Variants in TGFBR3 observed in about 807,000 individuals in gnomAD.
TGFBR3 encodes the protein transforming growth factor beta receptor 3.
Under a neutral mutation model 87.9 loss-of-function variants are expected in TGFBR3, and 46 were observed. The ratio of observed to expected loss-of-function variants is 0.52; its 90% CI spans 0.41 to 0.67. The LOEUF (loss-of-function observed/expected upper bound fraction) is 0.67. Ranked by LOEUF, TGFBR3 falls within the 30% of genes least tolerant of loss-of-function variation. The pLI is 0.00. For synonymous variants in TGFBR3, 381 were observed against 391.6 expected (o/e 0.97, Z 0.32); for missense variants, 866 against 1,041.9 (o/e 0.83, Z 2.32).
chr1:91,755,611 G>T (rs1673713087), intron 4 of TGFBR3, among the ~76,000 whole-genome samples: 1 of 152,062 alleles, frequency 6.6e-6, no homozygotes, highest in African/African-American at 2.4e-5. Context: ...ATCCAAATGG[G>T]GCTGACGTTC....
At chr1:91,881,624 C>T (rs1679075465) in intron 1 of TGFBR3, among the ~76,000 whole-genome samples, 1 of 152,176 alleles carries the variant, frequency 6.6e-6, no homozygotes, top group Non-Finnish European at 1.5e-5. Flanking sequence ...ATAAATGCCA[C>T]TCTGTAGTAT....
intron 6 of TGFBR3, among the ~76,000 whole-genome samples, chr1:91,729,322 C>G (rs771352723): frequency 5.5e-5 from 8 of 146,654 alleles, no homozygotes; most frequent in Admixed American, 4.7e-4. Context: ...ACAGATTTAA[C>G]GCAAACAGCT....
chr1:91,707,927 C>T (rs572432875), intron 14 of TGFBR3, among the ~76,000 whole-genome samples: 4 of 152,338 alleles, frequency 2.6e-5, no homozygotes, highest in Admixed American at 2.0e-4. Flanking sequence ...GCCTCATATC[C>T]ACTCCTAACA....
At chr1:91,800,334 G>A (rs1414996596) in intron 2 of TGFBR3, among the ~76,000 whole-genome samples, 2 of 147,072 alleles carry the variant, frequency 1.4e-5, no homozygotes, top group African/African-American at 2.5e-5. Flanking sequence ...GTGTATATGT[G>A]TGTGTGTGTG....
intron 14 of TGFBR3, among the ~76,000 whole-genome samples, chr1:91,702,417 C>T (rs1157556046): frequency 1.9e-4 from 29 of 152,022 alleles, no homozygotes; most frequent in African/African-American, 6.3e-4. Flanking sequence ...GAGGCCGAGA[C>T]GGGCGGATCA....
chr1:91,851,617 A>C (rs1434401648), intron 2 of TGFBR3, among the ~76,000 whole-genome samples: 1 of 152,212 alleles, frequency 6.6e-6, no homozygotes, highest in African/African-American at 2.4e-5. Flanking sequence ...GAGAAAGTCT[A>C]ATTTCCTATA....
chr1:91,694,361 C>T (rs183504718), intron 16 of TGFBR3, among the ~76,000 whole-genome samples: 199 of 152,356 alleles, frequency 1.3e-3, no homozygotes, highest in African/African-American at 4.7e-3. Flanking sequence ...TCTCTCTATT[C>T]AAGTCTTCTA....
chr1:91,861,676 T>C (rs770374758), intron 1 of TGFBR3, 32 bp from the exon 2 acceptor site: 1 of 697,234 alleles, frequency 1.4e-6, no homozygotes, highest in South Asian at 1.5e-5. Flanking sequence ...GAAAACTTAA[T>C]GAAGAAACTT....
At position 91,837,315 on chromosome 1, in the gene TGFBR3, G is replaced by A. The variant is rs940627980; in HGVS notation, c.61+24156C>T. Reference sequence around the variant, plus strand: ...GGCTGGAGTGCAGTGGCATGATCTCGGCTCACTGCAGCCTCCACCTCGTGG... The same window carrying A: ...GGCTGGAGTGCAGTGGCATGATCTCAGCTCACTGCAGCCTCCACCTCGTGG... On this transcript the variant is annotated intron_variant, in intron 2 of 16. Transcript: ENST00000212355. Among the ~76,000 whole-genome samples, 23 of 151,908 alleles carry A rather than the reference G, an allele frequency of 1.5e-4. 1 individual carries two copies. The highest frequency in any genetic ancestry group is 1.4e-3 in the Admixed American group (22 of 15,230).
intron 3 of TGFBR3, among the ~76,000 whole-genome samples, chr1:91,764,808 C>T (rs78740513): frequency 0.018 from 2,725 of 152,208 alleles, 84 homozygotes; most frequent in African/African-American, 0.063. Context: ...CACAGTGCTC[C>T]GGATGGACTT....
rs182085570 is a variant in TGFBR3, at chr1:91,832,727, G to A, written c.61+28744C>T. Among the ~76,000 whole-genome samples the A allele has an allele frequency of 2.6e-4, 39 of 152,326 alleles. No homozygotes were observed. The East Asian group carries it at 6.7e-3, about 26-fold the overall frequency. ...AGAGAAAACTCTGAATCGGGGTCAC[G>A]CATGGTGGCTCACACCTGTAATCCC... is the stretch of plus-strand genomic sequence containing the variant. On this transcript the variant is annotated intron_variant, in intron 2 of 16. Transcript: ENST00000212355.
chr1:91,681,487 A>G lies in TGFBR3; in HGVS notation c.*2252T>C, dbSNP rs750584816. On this transcript the variant is annotated 3_prime_UTR_variant, in exon 17 of 17. Transcript: ENST00000212355. The stretch of plus-strand genomic sequence containing the variant: ...TTTATAAAATCATTGGCAATGTAGC[A>G]TCTCTCTTAAAAATATATATTTAAA... 2.9e-6 allele frequency: 1 copy of G among 350,510 alleles called. No homozygotes were observed. The highest frequency in any genetic ancestry group is 2.2e-5 in the African/African-American group (1 of 45,634). 21.7% of individuals were successfully genotyped at this position (350,510 alleles called of 1,614,324 possible).
chr1:91,876,158 G>C (rs1343805279), intron 1 of TGFBR3, among the ~76,000 whole-genome samples: 1 of 151,992 alleles, frequency 6.6e-6, no homozygotes, highest in East Asian at 1.9e-4. Flanking sequence ...GTAAATGGGA[G>C]GTGAGAAGAA....
chr1:91,745,269 C>T (rs1557688684), intron 4 of TGFBR3, among the ~76,000 whole-genome samples: 8 of 152,190 alleles, frequency 5.3e-5, no homozygotes, highest in Admixed American at 4.6e-4. Context: ...TTTCCTGACT[C>T]CTGCACAAAC....
chr1:91,690,158 G>T (rs1161798221), intron 16 of TGFBR3, among the ~76,000 whole-genome samples: 1 of 152,092 alleles, frequency 6.6e-6, no homozygotes, highest in Non-Finnish European at 1.5e-5. Context: ...GGGAATGGTG[G>T]CATCAGGCAC....
intron 16 of TGFBR3, among the ~76,000 whole-genome samples, chr1:91,692,761 G>C (rs964511641): frequency 6.6e-6 from 1 of 152,186 alleles, no homozygotes; most frequent in Non-Finnish European, 1.5e-5. Flanking sequence ...GTTGTCATAT[G>C]ATAAAGTGGG....
At chr1:91,782,490 T>C (rs1444448377) in intron 3 of TGFBR3, among the ~76,000 whole-genome samples, 1 of 152,104 alleles carries the variant, frequency 6.6e-6, no homozygotes, top group Non-Finnish European at 1.5e-5. Context: ...CAGAAACTGC[T>C]GCCTCCCAAG....
chr1:91,835,340 G>T (rs1677018690), intron 2 of TGFBR3, among the ~76,000 whole-genome samples: 1 of 152,188 alleles, frequency 6.6e-6, no homozygotes, highest in Non-Finnish European at 1.5e-5. Context: ...ATTCTATGTA[G>T]CTCTACAAGG....
chr1:91,903,949 A>G (rs146762625), intron 1 of TGFBR3, among the ~76,000 whole-genome samples: 2,635 of 152,180 alleles, frequency 0.017, 86 homozygotes, highest in African/African-American at 0.059. Flanking sequence ...CTAGGCGGGC[A>G]GACTGCCTGA....
Sources: gnomAD v4.1 joint callset for allele counts (sites outside exome capture counted in the v4.1 genomes callset) on GRCh38, gnomAD v4.1.1 for gene constraint, MANE v1.5 for transcripts, NCBI Gene and HGNC (gene_info 2026-07-23, HGNC 2026-07-21) for gene names.